FBLN1: variants seen among roughly 807,000 people sequenced by gnomAD.
FBLN1 encodes fibulin-1.
Under a neutral mutation model 89.7 loss-of-function variants are expected in FBLN1, and 34 were observed. That is an observed-to-expected ratio of 0.38 (90% CI 0.29 to 0.50). The LOEUF (loss-of-function observed/expected upper bound fraction) is 0.50. Among genes scored for constraint, FBLN1 ranks in the 20% least tolerant of loss-of-function variants. The probability of loss-of-function intolerance (pLI) is 0.92; values close to 1 mark genes in which losing one functional copy is unlikely to be tolerated. For missense variants in FBLN1, 777 were observed against 988.1 expected (o/e 0.79, Z 2.86); for synonymous variants, 393 against 391.3 (o/e 1.00, Z -0.05).
At chr22:45,553,582 C>A (rs1251074240) in intron 14 of FBLN1, among the ~76,000 whole-genome samples, 2 of 152,252 alleles carry the variant, frequency 1.3e-5, no homozygotes, top group Non-Finnish European at 2.9e-5. Context: ...GAAGCCAGGA[C>A]TTACCAGGAA....
intron 1 of FBLN1, among the ~76,000 whole-genome samples, chr22:45,504,817 C>T (rs1050999295): frequency 2.2e-4 from 34 of 152,334 alleles, no homozygotes; most frequent in African/African-American, 7.5e-4. Flanking sequence ...AAAAAGCCTC[C>T]TAATTGCACA....
chr22:45,593,606 T>G (rs895853927), intron 16 of FBLN1, among the ~76,000 whole-genome samples: 1 of 151,914 alleles, frequency 6.6e-6, no homozygotes, highest in African/African-American at 2.4e-5. Context: ...GCAAACACCC[T>G]GGCAGGTAAG....
At chr22:45,568,526 CCTCTTCTGTAGGGGA>C (rs1174621410) in intron 14 of FBLN1, among the ~76,000 whole-genome samples, 74 of 135,268 alleles carry the variant, frequency 5.5e-4, no homozygotes, top group African/African-American at 1.5e-3. Flanking sequence ...TAGGGGAATG[CCTCTTCTGTAGGGGA>C]ATGCTCCTTC....
Position 45,562,292 on chromosome 22 carries a change from C to T in FBLN1, c.1697+11677C>T, listed in dbSNP as rs998562209. 6.6e-6 allele frequency among the ~76,000 whole-genome samples: 1 copy of T among 152,176 alleles called. No homozygotes were observed. Reference sequence around the variant, plus strand: ...TTAGTGACAAGGAACTGGGAACTGACCTCAATGGCTGAGTAGCGATATGGC... The same window carrying T: ...TTAGTGACAAGGAACTGGGAACTGATCTCAATGGCTGAGTAGCGATATGGC... On this transcript the variant is annotated intron_variant, in intron 14 of 16. Transcript: ENST00000327858. The surrounding 1 kb of genome is among the most constrained non-coding windows in gnomAD (Gnocchi z 7.8).
In FBLN1 at chr22:45,549,731, T is replaced by C. The variant is rs957306535; in HGVS notation, c.1574-761T>C. Among the ~76,000 whole-genome samples, 1 of 152,014 alleles carries C rather than the reference T, an allele frequency of 6.6e-6. No homozygotes were observed. Among genetic ancestry groups the C allele is most frequent in the Non-Finnish European group, 1.5e-5 (1 of 67,982 alleles). On this transcript the variant is annotated intron_variant, in intron 13 of 16. Transcript: ENST00000327858. The surrounding 1 kb of genome is among the most constrained non-coding windows in gnomAD (Gnocchi z 5.7). The stretch of plus-strand genomic sequence containing the variant: ...ACCTCTTAATGGATGTCTCCCAGGG[T>C]TGGTGACAGCCCCTGAGCCCCACTG...
chr22:45,546,257 G>A (rs182614970), intron 11 of FBLN1, among the ~76,000 whole-genome samples: 3 of 151,814 alleles, frequency 2.0e-5, no homozygotes, highest in Admixed American at 6.6e-5. Context: ...TCGCTCTGTC[G>A]CCCAGGCTGG....
rs2088500517 is a variant in FBLN1, at chr22:45,537,703, C to G, written c.922+2366C>G. Among the ~76,000 whole-genome samples, 1 of 152,144 alleles carries G rather than the reference C, an allele frequency of 6.6e-6. No individual in the cohort carries two copies. Among genetic ancestry groups the G allele is most frequent in the Admixed American group, 6.5e-5 (1 of 15,276 alleles). ...TCGTCTGAAACCCGCCCCAGCCTTC[C>G]TCTGTTACAGCTTCCCTGTCATCCC... On this transcript the variant is annotated intron_variant, in intron 8 of 16. Transcript: ENST00000327858. The surrounding 1 kb of genome is among the most constrained non-coding windows in gnomAD (Gnocchi z 5.7).
intron 1 of FBLN1, among the ~76,000 whole-genome samples, chr22:45,510,759 C>T (rs1424527327): frequency 6.6e-6 from 1 of 152,132 alleles, no homozygotes; most frequent in Non-Finnish European, 1.5e-5. Flanking sequence ...GCCATGTGAC[C>T]TGTGTTTCTC....
intron 14 of FBLN1, among the ~76,000 whole-genome samples, chr22:45,566,210 G>T (rs1395732884): frequency 6.6e-6 from 1 of 152,216 alleles, no homozygotes; most frequent in Non-Finnish European, 1.5e-5. Context: ...ATGTGAAGAG[G>T]TGGGGGAAAC....
intron 16 of FBLN1, among the ~76,000 whole-genome samples, chr22:45,596,701 T>C (rs983934281): frequency 6.8e-6 from 1 of 147,230 alleles, no homozygotes; most frequent in African/African-American, 2.5e-5. Context: ...ATTATATATT[T>C]ATCATGTTTA....
At chr22:45,529,446 C>T (rs566897741) in intron 4 of FBLN1, among the ~76,000 whole-genome samples, 35 of 152,334 alleles carry the variant, frequency 2.3e-4, no homozygotes, top group African/African-American at 5.3e-4. Context: ...ACTTAGGCCA[C>T]GGTTTCTTGT....
chr22:45,541,109 G>GC lies in FBLN1; in HGVS notation c.923-116dup. ...GTGTGGTCCAGAGTGAGGGGGTTGAGCCCCTCCATTTGTGGTTTTGCAAAG... is the reference window on the plus strand; with the variant it reads ...GTGTGGTCCAGAGTGAGGGGGTTGAGCCCCCTCCATTTGTGGTTTTGCAAAG... On this transcript the variant is annotated intron_variant, in intron 8 of 16. Transcript: ENST00000327858. 5 of 1,295,084 alleles carry GC rather than the reference G, an allele frequency of 3.9e-6. No homozygotes were observed. In the East Asian group the frequency reaches 1.2e-4, roughly 30 times the overall value. The allele number at this position is 1,295,084 out of a possible 1,614,324, so 80.2% of individuals were successfully genotyped here.
In FBLN1 at chr22:45,575,663, G is replaced by A. The variant is rs1045360998; in HGVS notation, c.1840+1010G>A. Among the ~76,000 whole-genome samples, 1 of 152,150 alleles carries A rather than the reference G, an allele frequency of 6.6e-6. No homozygotes were observed. The highest frequency in any genetic ancestry group is 1.5e-5 in the Non-Finnish European group (1 of 68,018). On this transcript the variant is annotated intron_variant, in intron 15 of 16. Coordinates refer to ENST00000327858, the MANE Select transcript of FBLN1 (RefSeq NM_006486.3). The surrounding 1 kb of genome is among the most constrained non-coding windows in gnomAD (Gnocchi z 6.3). ...CCCACACCCCAGCCTGGCTCTCTAGGAAGCTCCTGGCATGCAGTGTAGTCA... is the reference window on the plus strand; with the variant it reads ...CCCACACCCCAGCCTGGCTCTCTAGAAAGCTCCTGGCATGCAGTGTAGTCA...
intron 16 of FBLN1, among the ~76,000 whole-genome samples, chr22:45,593,671 G>T (rs1240981543): frequency 6.6e-6 from 1 of 152,122 alleles, no homozygotes. Flanking sequence ...TTTTACTGCT[G>T]GGGTGGTCCT....
rs1482530648 is a variant in FBLN1, at chr22:45,575,982, C to T, written c.1841-995C>T. Among the ~76,000 whole-genome samples the T allele has an allele frequency of 6.6e-6, 1 of 152,146 alleles. No individual in the cohort carries two copies. The highest frequency in any genetic ancestry group is 2.4e-5 in the African/African-American group (1 of 41,424). ...GGTCCTCCCACCCTCTCAGGGGAGG[C>T]ATGCAACGGAGCCAGCCGCGAGGAC... is the stretch of plus-strand genomic sequence containing the variant. On this transcript the variant is annotated intron_variant, in intron 15 of 16. Transcript: ENST00000327858. This position sits in a 1 kb window ranked among gnomAD's most constrained non-coding sequence, Gnocchi z 6.3.
At chr22:45,505,847 C>A (rs1374578020) in intron 1 of FBLN1, among the ~76,000 whole-genome samples, 2 of 152,202 alleles carry the variant, frequency 1.3e-5, no homozygotes, top group South Asian at 2.1e-4. Context: ...TCTCGACTCA[C>A]TGCAACCTCC....
chr22:45,525,138 A>C (rs1229704077), intron 2 of FBLN1, among the ~76,000 whole-genome samples: 1 of 143,280 alleles, frequency 7.0e-6, no homozygotes, highest in African/African-American at 2.6e-5. Context: ...AAACAGAGAG[A>C]AAGAAAGAAA....
chr22:45,564,915 C>T, intron 14 of FBLN1: 1 of 1,614,120 alleles, frequency 6.2e-7, no homozygotes, highest in East Asian at 2.2e-5. Flanking sequence ...GCAGAACACC[C>T]CAGCGGGATC....
Position 45,577,260 on chromosome 22 carries a change from C to T in FBLN1, c.1972+152C>T. On this transcript the variant is annotated intron_variant, in intron 16 of 16. Transcript: ENST00000327858. The surrounding 1 kb of genome is among the most constrained non-coding windows in gnomAD (Gnocchi z 6.6). ...CCAGCGCCGAGGCCACCACAGCTCC[C>T]AATCGGTCTCGGCCGGAGGAACAGC... 6 of 888,066 alleles carry T rather than the reference C, an allele frequency of 6.8e-6. No homozygotes were observed. Among genetic ancestry groups the T allele is most frequent in the Non-Finnish European group, 1.1e-5 (6 of 557,848 alleles). 55.0% of individuals were successfully genotyped at this position (888,066 alleles called of 1,614,324 possible).
Sources: allele counts gnomAD v4.1 joint callset (sites outside exome capture counted in the v4.1 genomes callset), GRCh38; gene constraint gnomAD v4.1.1; non-coding constraint Gnocchi (gnomAD v3.1); transcripts MANE v1.5; gene names NCBI Gene and HGNC (gene_info 2026-07-23, HGNC 2026-07-21).